Variants in PTPN14 observed in about 807,000 individuals in gnomAD.
The protein encoded by PTPN14 is protein tyrosine phosphatase non-receptor type 14.
In PTPN14, 53 loss-of-function variants were observed where a neutral mutation model predicts 126.8. The observed-to-expected ratio is 0.42, with a 90% confidence interval of 0.34 to 0.53. The LOEUF is 0.53. PTPN14 is among the 20% of genes least tolerant of loss of function. The pLI, the probability that PTPN14 is intolerant of heterozygous loss-of-function variation, is 0.08. For missense variants in PTPN14, 1,257 were observed against 1,552.9 expected (o/e 0.81, Z 3.20); for synonymous variants, 630 against 599.3 (o/e 1.05, Z -0.75).
At chr1:214,376,577 T>C (rs1658348208) in intron 14 of PTPN14, 140 bp from the exon 15 acceptor site, 1 of 712,844 alleles carries the variant, frequency 1.4e-6, no homozygotes, top group Admixed American at 2.8e-5. Context: ...TGTCTCATTA[T>C]CAACCATATT....
chr1:214,476,032 C>G (rs1355054466), intron 1 of PTPN14, among the ~76,000 whole-genome samples: 1 of 152,188 alleles, frequency 6.6e-6, no homozygotes, highest in Non-Finnish European at 1.5e-5. Flanking sequence ...TCTTTGCTCA[C>G]CCACAGCGGA....
intron 1 of PTPN14, chr1:214,532,291 C>T (rs1048533753): frequency 8.3e-6 from 4 of 480,128 alleles, no homozygotes; most frequent in South Asian, 7.6e-5. Flanking sequence ...AGAGCCTATG[C>T]ACGTGCCAGG....
chr1:214,425,621 G>A (rs1056046846), intron 3 of PTPN14, among the ~76,000 whole-genome samples: 5 of 151,968 alleles, frequency 3.3e-5, no homozygotes, highest in African/African-American at 1.2e-4. Flanking sequence ...ATTACATACT[G>A]GCTGAAAGAA....
At chr1:214,411,647 G>GT (rs1659311690) in intron 5 of PTPN14, 37 bp downstream of exon 5, 1 of 1,363,170 alleles carries the variant, frequency 7.3e-7, no homozygotes, top group African/African-American at 1.5e-5. Flanking sequence ...TCCAAAGAAG[G>GT]TAGAAAATTA....
chr1:214,361,971 T>G (rs1331519598), intron 18 of PTPN14, among the ~76,000 whole-genome samples: 1 of 152,210 alleles, frequency 6.6e-6, no homozygotes, highest in East Asian at 1.9e-4. Flanking sequence ...AGAAAGGCCA[T>G]TTCATTGACA....
chr1:214,394,153 G>A (rs1041125773), intron 9 of PTPN14, among the ~76,000 whole-genome samples: 2 of 152,198 alleles, frequency 1.3e-5, no homozygotes, highest in South Asian at 2.1e-4. Context: ...CTTGGCTCTC[G>A]AGGAGGCACT....
At chr1:214,523,879 T>G (rs1655323342) in intron 1 of PTPN14, among the ~76,000 whole-genome samples, 1 of 148,456 alleles carries the variant, frequency 6.7e-6, no homozygotes. Context: ...AGATAGAGTC[T>G]TGCTCTGTCA....
intron 2 of PTPN14, among the ~76,000 whole-genome samples, chr1:214,463,203 A>G (rs923552099): frequency 6.6e-6 from 1 of 152,240 alleles, no homozygotes; most frequent in Non-Finnish European, 1.5e-5. Flanking sequence ...TAAAAATACT[A>G]GTTTTCTATA....
At chr1:214,421,778 C>G (rs1659550156) in intron 3 of PTPN14, among the ~76,000 whole-genome samples, 1 of 152,150 alleles carries the variant, frequency 6.6e-6, no homozygotes, top group Admixed American at 6.5e-5. Context: ...CATGTTCTTT[C>G]CTGCCTCCTC....
intron 18 of PTPN14, among the ~76,000 whole-genome samples, chr1:214,362,456 G>A (rs1370900783): frequency 6.6e-6 from 1 of 152,202 alleles, no homozygotes. Context: ...TAACCACCCT[G>A]AGCCTTCACC....
At chr1:214,516,258 G>T (rs1655100523) in intron 1 of PTPN14, among the ~76,000 whole-genome samples, 1 of 152,178 alleles carries the variant, frequency 6.6e-6, no homozygotes, top group Non-Finnish European at 1.5e-5. Context: ...TGAAGGGGTA[G>T]GAATAATTTC....
intron 7 of PTPN14, among the ~76,000 whole-genome samples, chr1:214,400,844 T>C (rs1446675056): frequency 6.6e-6 from 1 of 152,192 alleles, no homozygotes; most frequent in African/African-American, 2.4e-5. Context: ...TGCTCGATTC[T>C]ACTTGATGCA....
At chr1:214,511,746 G>A (rs558173416) in intron 1 of PTPN14, among the ~76,000 whole-genome samples, 1 of 152,312 alleles carries the variant, frequency 6.6e-6, no homozygotes, top group South Asian at 2.1e-4. Flanking sequence ...ATTATTCATG[G>A]CAGGCAAAAG....
intron 1 of PTPN14, among the ~76,000 whole-genome samples, chr1:214,472,767 A>G (rs1249827305): frequency 1.3e-5 from 2 of 152,212 alleles, no homozygotes; most frequent in Non-Finnish European, 2.9e-5. Flanking sequence ...GGTTTCCAAA[A>G]GAACATTCCC....
intron 1 of PTPN14, among the ~76,000 whole-genome samples, chr1:214,472,093 A>T (rs1332080919): frequency 2.0e-5 from 3 of 152,246 alleles, no homozygotes; most frequent in African/African-American, 7.2e-5. Flanking sequence ...CATAACATGG[A>T]GCTTTATACA....
At chr1:214,374,620 G>T (rs569237982) in intron 15 of PTPN14, among the ~76,000 whole-genome samples, 5 of 152,304 alleles carry the variant, frequency 3.3e-5, no homozygotes, top group Non-Finnish European at 5.9e-5. Context: ...TGGAACCCAG[G>T]GGGGAAAACA....
At chr1:214,483,133 G>A (rs61745825) in intron 1 of PTPN14, 109,481 of 1,547,044 alleles carry the variant, frequency 0.071, 27 homozygotes, top group South Asian at 0.096. Context: ...CATCTAAAAT[G>A]CCAAGTTCAC....
At chr1:214,452,056 C>G in intron 2 of PTPN14, 82 bp from the exon 3 acceptor site, 1 of 1,455,944 alleles carries the variant, frequency 6.9e-7, no homozygotes, top group Admixed American at 2.1e-5. Context: ...CTCCAGCATG[C>G]TGCATCCCAC....
intron 1 of PTPN14, among the ~76,000 whole-genome samples, chr1:214,546,246 G>A (rs1655966010): frequency 6.6e-6 from 1 of 152,206 alleles, no homozygotes; most frequent in African/African-American, 2.4e-5. Flanking sequence ...AGAAACCGAG[G>A]TAGGCATGGG....
Sources: allele counts gnomAD v4.1 joint callset (sites outside exome capture counted in the v4.1 genomes callset), GRCh38; gene constraint gnomAD v4.1.1; transcripts MANE v1.5; gene names NCBI Gene and HGNC (gene_info 2026-07-23, HGNC 2026-07-21).